The following DCLRE1C variants were observed in gnomAD, a reference collection of about 807,000 sequenced individuals.
The protein encoded by DCLRE1C is DNA cross-link repair 1C, also known as protein artemis.
A neutral mutation model predicts 61.4 loss-of-function variants in DCLRE1C; 47 were observed. That is an observed-to-expected ratio of 0.77 (90% CI 0.61 to 0.98). The LOEUF is 0.98. Among genes scored for constraint, DCLRE1C ranks in the 50% least tolerant of loss-of-function variants. The probability of loss-of-function intolerance (pLI) is 0.00; values close to 1 mark genes in which losing one functional copy is unlikely to be tolerated. For synonymous variants in DCLRE1C, 337 were observed against 287.6 expected (o/e 1.17, Z -1.74); for missense variants, 858 against 816.0 (o/e 1.05, Z -0.63).
In DCLRE1C at chr10:14,905,391, A is replaced by C. The variant is rs1191170395; in HGVS notation, c.*3017T>G. On this transcript the variant is annotated 3_prime_UTR_variant, in exon 14 of 14. Coordinates refer to ENST00000378278, the MANE Select transcript of DCLRE1C (RefSeq NM_001033855.3). ...TGGTAAGTACTGCCTAGAAATGCAA[A>C]GGAATTTTAGAATTCAGAGCTCATA... is the stretch of plus-strand genomic sequence containing the variant. Among the ~76,000 whole-genome samples the C allele has an allele frequency of 6.6e-6, 1 of 152,230 alleles. No individual in the cohort carries two copies. The highest frequency in any genetic ancestry group is 1.5e-5 in the Non-Finnish European group (1 of 68,046).
chr10:14,939,722 G>A, intron 4 of DCLRE1C, 88 bp downstream of exon 4: 2 of 1,078,170 alleles, frequency 1.9e-6, no homozygotes, highest in South Asian at 1.4e-5. Flanking sequence ...GAGGGGTGGA[G>A]CATCTGACTG....
chr10:14,909,653 A>C (rs761826117), intron 13 of DCLRE1C, among the ~76,000 whole-genome samples: 14 of 152,092 alleles, frequency 9.2e-5, no homozygotes, highest in Non-Finnish European at 1.6e-4. Context: ...AGACCTACTG[A>C]ATCCCTGAGG....
At chr10:14,944,222 A>G (rs1389313877) in intron 3 of DCLRE1C, among the ~76,000 whole-genome samples, 1 of 152,180 alleles carries the variant, frequency 6.6e-6, no homozygotes, top group African/African-American at 2.4e-5. Flanking sequence ...TGTAATTCCA[A>G]CACTTTGGGA....
chr10:14,899,059 C>T lies in DCLRE1C; in HGVS notation c.*105G>A, dbSNP rs1201242733. Reference sequence around the variant, plus strand: ...TAAAAAGTCATAAATCAACCAGTTACAGTTAATCCCAGCACTTGGGGAGGT... The same window carrying T: ...TAAAAAGTCATAAATCAACCAGTTATAGTTAATCCCAGCACTTGGGGAGGT... On this transcript the variant is annotated 3_prime_UTR_variant, in exon 14 of 14. Transcript: ENST00000378289. 3 of 593,378 alleles carry T rather than the reference C, an allele frequency of 5.1e-6. No homozygotes were observed. In the East Asian group the frequency reaches 8.3e-5, roughly 16 times the overall value. The allele number at this position is 593,378 out of a possible 1,614,324, so 36.8% of individuals were successfully genotyped here.
chr10:14,928,034 T>C lies in DCLRE1C; in HGVS notation c.899A>G (p.Lys300Arg). The part of the protein sequence containing the change: ...STMWFGERSR[K>R]TNVIVRTGES... The stretch of plus-strand genomic sequence containing the variant: ...CTCTTACCTCACAATTACATTTGTT[T>C]TTCTGCTCCTTTCTCCAAACCACAT... The change falls in exon 10 of 14, where the codon AAA becomes AGA. Residue 300 changes from lysine to arginine, a missense_variant. By Grantham distance (26) the Lys-to-Arg change is conservative. Coordinates refer to ENST00000378278, the MANE Select transcript of DCLRE1C (RefSeq NM_001033855.3). 1 of 1,613,940 alleles carries C rather than the reference T, an allele frequency of 6.2e-7. No homozygotes were observed. Among genetic ancestry groups the C allele is most frequent in the Non-Finnish European group, 8.5e-7 (1 of 1,179,926 alleles).
rs372597855 is a variant in DCLRE1C, at chr10:14,908,995, C to T, written c.1492G>A (p.Glu498Lys). The change falls in exon 14 of 14, where the codon GAA becomes AAA. Residue 498 changes from glutamate to lysine, a missense_variant. Glu to Lys is a moderately conservative substitution (Grantham distance 56). Around this residue, in one of 2 missense-constraint regions of DCLRE1C, gnomAD observed 843 missense variants for 783.5 expected, o/e 1.08. Transcript: ENST00000378278. Reference sequence around the variant, plus strand: ...TTTTCCAAACTCTCATCTGTGATTTCATCATTTCTTTTAAAGAATACTTCC... The same window carrying T: ...TTTTCCAAACTCTCATCTGTGATTTTATCATTTCTTTTAAAGAATACTTCC... ...QWEVFFKRND[E>K]ITDESLENFP... is the part of the protein sequence containing the mutation. 6.2e-7 allele frequency: 1 copy of T among 1,614,074 alleles called. No homozygotes were observed.
intron 4 of DCLRE1C, among the ~76,000 whole-genome samples, chr10:14,938,296 C>A (rs1480804827): frequency 2.0e-5 from 3 of 152,110 alleles, no homozygotes; most frequent in Non-Finnish European, 2.9e-5. Context: ...CAGTATTCCC[C>A]GGAAAAGCAG....
In DCLRE1C at chr10:14,923,867, C is replaced by T. The variant is rs41299650; in HGVS notation, c.973-798G>A. Among the ~76,000 whole-genome samples the T allele has an allele frequency of 3.7e-4, 57 of 152,312 alleles. No individual in the cohort carries two copies. The East Asian group carries it at 8.9e-3, about 24-fold the overall frequency. ...CAATGCAGTCAAGCACTGGAGGGAGCAATGCTTCACTTACTGAGAAAAGAC... is the reference window on the plus strand; with the variant it reads ...CAATGCAGTCAAGCACTGGAGGGAGTAATGCTTCACTTACTGAGAAAAGAC... On this transcript the variant is annotated intron_variant, in intron 11 of 13. Coordinates refer to ENST00000378278, the MANE Select transcript of DCLRE1C (RefSeq NM_001033855.3).
rs770874430 is a variant in DCLRE1C at position 14,934,434 on chromosome 10, C to A, written c.624G>T (p.Ala208=). Residue 208 remains alanine (A), a synonymous_variant, in exon 8 of 14, where the codon GCG becomes GCT. Transcript: ENST00000378278. ...TGAACAGATATTCATAGCCATAAGCCGCTTTGCAGTTCAGCCACACAACAT... is the reference window on the plus strand; with the variant it reads ...TGAACAGATATTCATAGCCATAAGCAGCTTTGCAGTTCAGCCACACAACAT... ...PYHVVWLNCK[A]AYGYEYLFTN... The A allele has an allele frequency of 2.5e-6, 4 of 1,614,134 alleles. No homozygotes were observed.
At chr10:14,930,431 G>C (rs557847830) in intron 9 of DCLRE1C, among the ~76,000 whole-genome samples, 27 of 147,406 alleles carry the variant, frequency 1.8e-4, no homozygotes, top group Admixed American at 1.2e-3. Flanking sequence ...CTAAGTTTAT[G>C]GGTTTTGTTT....
At chr10:14,947,026 AC>A (rs780146929) in intron 2 of DCLRE1C, among the ~76,000 whole-genome samples, 12 of 152,100 alleles carry the variant, frequency 7.9e-5, no homozygotes, top group Admixed American at 5.2e-4. Context: ...AGCCTGACCA[AC>A]ATGGTGAAAC....
chr10:14,934,016 A>T (rs1036401654), intron 8 of DCLRE1C, among the ~76,000 whole-genome samples: 1 of 152,082 alleles, frequency 6.6e-6, no homozygotes, highest in African/African-American at 2.4e-5. Flanking sequence ...AGCTGGGAGG[A>T]TGGAAGGGAG....
intron 12 of DCLRE1C, 74 bp downstream of exon 12, chr10:14,922,907 G>T: frequency 9.6e-7 from 1 of 1,038,050 alleles, no homozygotes; most frequent in Non-Finnish European, 1.5e-6. Flanking sequence ...TAAACATTCA[G>T]GCAAACTCTC....
At chr10:14,951,539 C>T (rs979112533) in intron 1 of DCLRE1C, among the ~76,000 whole-genome samples, 21 of 151,882 alleles carry the variant, frequency 1.4e-4, no homozygotes, top group African/African-American at 5.1e-4. Context: ...TTCACACCAG[C>T]GCTGTAAGGA....
chr10:14,953,747 A>T (rs1309350186), intron 1 of DCLRE1C, among the ~76,000 whole-genome samples, 155 bp downstream of exon 1: 1 of 152,144 alleles, frequency 6.6e-6, no homozygotes, highest in Non-Finnish European at 1.5e-5. Context: ...GAAGCCTTTG[A>T]GAGGCTGAAG....
At position 14,907,308 on chromosome 10, in the gene DCLRE1C, G is replaced by A. The variant is rs530708909; in HGVS notation, c.*1100C>T. The stretch of plus-strand genomic sequence containing the variant: ...AGTTTATCATACTAGATCCAAGTTT[G>A]TCAATTTAAATCAGGTGTGTTTATG... On this transcript the variant is annotated 3_prime_UTR_variant, in exon 14 of 14. Transcript: ENST00000378278. Among the ~76,000 whole-genome samples, 2 of 150,356 alleles carry A rather than the reference G, an allele frequency of 1.3e-5. No individual in the cohort carries two copies. The highest frequency in any genetic ancestry group is 1.3e-4 in the Admixed American group (2 of 14,962).
At chr10:14,899,578 T>G in intron 13 of DCLRE1C, 1 of 1,614,208 alleles carries the variant, frequency 6.2e-7, no homozygotes, top group Non-Finnish European at 8.5e-7. Context: ...AGGACAGTTC[T>G]ATGACAACAA....
chr10:14,910,526 C>T (rs1438867757), intron 13 of DCLRE1C, among the ~76,000 whole-genome samples: 1 of 152,162 alleles, frequency 6.6e-6, no homozygotes, highest in African/African-American at 2.4e-5. Context: ...AACTCCTGCA[C>T]TCAGGCAATC....
In DCLRE1C at chr10:14,924,795, C is replaced by T. The variant is rs41298926; in HGVS notation, c.973-1726G>A. On this transcript the variant is annotated intron_variant, in intron 11 of 13. Coordinates refer to ENST00000378278, the MANE Select transcript of DCLRE1C (RefSeq NM_001033855.3). ...CCGGGAGGCGGAGGTTGCAGTGAGC[C>T]GAGATCACGCCACTGCACTCCAGCC... 8.2e-3 allele frequency among the ~76,000 whole-genome samples: 1,249 copies of T among 151,502 alleles called. 23 individuals are homozygous for T. The highest frequency in any genetic ancestry group is 0.028 in the African/African-American group (1,173 of 41,254).
Sources: allele counts gnomAD v4.1 joint callset (sites outside exome capture counted in the v4.1 genomes callset), GRCh38; gene constraint gnomAD v4.1.1; regional missense constraint gnomAD v4.1.1; transcripts MANE v1.5; gene names NCBI Gene and HGNC (gene_info 2026-07-23, HGNC 2026-07-21).